Variants in ADAM12 observed in about 807,000 individuals in gnomAD.
The protein encoded by ADAM12 is disintegrin and metalloproteinase domain-containing protein 12.
In ADAM12, 70 loss-of-function variants were observed where a neutral mutation model predicts 106.4. The observed-to-expected ratio is 0.66, with a 90% confidence interval of 0.54 to 0.80. ADAM12 has a LOEUF of 0.80. ADAM12 is among the 30% of genes least tolerant of loss of function. The pLI is 0.00. For missense variants in ADAM12, 1,010 were observed against 1,171.9 expected (o/e 0.86, Z 2.02); for synonymous variants, 420 against 433.5 (o/e 0.97, Z 0.39).
rs1473043084 is a variant in ADAM12, at chr10:126,012,459, G to T, written c.*4820C>A. Reference sequence around the variant, plus strand: ...ACTTTTTCTACTGAAATAGCAGTTTGTGTTTACCTGTCGAACCCCAATATG... The same window carrying T: ...ACTTTTTCTACTGAAATAGCAGTTTTTGTTTACCTGTCGAACCCCAATATG... On this transcript the variant is annotated 3_prime_UTR_variant, in exon 23 of 23. Transcript: ENST00000448723. 2 of 152,150 alleles carry T rather than the reference G, an allele frequency of 1.3e-5. No homozygotes were observed. Among genetic ancestry groups the T allele is most frequent in the African/African-American group, 2.4e-5 (1 of 41,438 alleles). The allele number at this position is 152,150 out of a possible 1,614,324, so 9.4% of individuals were successfully genotyped here.
At chr10:126,209,863 G>A (rs1317193511) in intron 3 of ADAM12, among the ~76,000 whole-genome samples, 1 of 152,168 alleles carries the variant, frequency 6.6e-6, no homozygotes, top group Non-Finnish European at 1.5e-5. Context: ...AGATTTAGAG[G>A]TCTGGACCCA....
At position 126,017,067 on chromosome 10, in the gene ADAM12, C is replaced by T; in HGVS notation, c.*212G>A. 1 of 525,982 alleles carries T rather than the reference C, an allele frequency of 1.9e-6. No homozygotes were observed. Among genetic ancestry groups the T allele is most frequent in the Non-Finnish European group, 3.4e-6 (1 of 296,204 alleles). 32.6% of individuals were successfully genotyped at this position (525,982 alleles called of 1,614,324 possible). A position where few individuals can be genotyped will look rare whatever the true frequency, so the allele number is the denominator to read the frequency against. ...CTACAGCGCACTGCACTGTAATCAA[C>T]ATTCTGCATAAATTAATAATTTACA... On this transcript the variant is annotated 3_prime_UTR_variant, in exon 23 of 23. Coordinates refer to ENST00000448723, the MANE Select transcript of ADAM12 (RefSeq NM_001288973.2).
chr10:126,347,621 G>A (rs144976129), intron 1 of ADAM12, among the ~76,000 whole-genome samples: 4 of 152,272 alleles, frequency 2.6e-5, no homozygotes, highest in African/African-American at 9.6e-5. Flanking sequence ...ATGATGTTTG[G>A]CCACTTATAA....
chr10:126,115,637 CAG>C (rs1440022760), intron 6 of ADAM12, among the ~76,000 whole-genome samples: 3 of 152,320 alleles, frequency 2.0e-5, no homozygotes, highest in African/African-American at 7.2e-5. Flanking sequence ...GCAGAAAAAT[CAG>C]AGTCTGCAAA....
chr10:126,055,039 G>A (rs985953465), intron 14 of ADAM12, among the ~76,000 whole-genome samples: 1 of 152,208 alleles, frequency 6.6e-6, no homozygotes, highest in Non-Finnish European at 1.5e-5. Flanking sequence ...GGGCTAACCA[G>A]ATGCCTCAGG....
At chr10:126,059,052 GAT>G (rs1288557209) in intron 14 of ADAM12, among the ~76,000 whole-genome samples, 1 of 152,124 alleles carries the variant, frequency 6.6e-6, no homozygotes, top group Non-Finnish European at 1.5e-5. Context: ...AGGGAATTTT[GAT>G]ACCATACTAT....
intron 1 of ADAM12, among the ~76,000 whole-genome samples, chr10:126,336,984 C>G (rs963592652): frequency 6.6e-6 from 1 of 152,124 alleles, no homozygotes; most frequent in Non-Finnish European, 1.5e-5. Context: ...CACAGAGGGC[C>G]GGCAAGAGGA....
chr10:126,243,499 G>GTGTA, intron 3 of ADAM12, among the ~76,000 whole-genome samples: 1 of 151,532 alleles, frequency 6.6e-6, no homozygotes, highest in Admixed American at 6.6e-5. Flanking sequence ...ATGTGTGTGT[G>GTGTA]TGTGTGTGTG....
chr10:126,083,282 C>G (rs893918001), intron 11 of ADAM12, among the ~76,000 whole-genome samples: 1 of 152,208 alleles, frequency 6.6e-6, no homozygotes, highest in Non-Finnish European at 1.5e-5. Flanking sequence ...AGCTTGGGTT[C>G]CTTGCCGGGA....
At chr10:126,039,085 G>C (rs1212868567) in intron 19 of ADAM12, among the ~76,000 whole-genome samples, 1 of 146,132 alleles carries the variant, frequency 6.8e-6, no homozygotes, top group African/African-American at 2.5e-5. Flanking sequence ...TCAGCCTCCC[G>C]AGTAGATGGG....
At chr10:126,206,851 T>TTG (rs1427618225) in intron 3 of ADAM12, among the ~76,000 whole-genome samples, 1 of 23,898 alleles carries the variant, frequency 4.2e-5, no homozygotes, top group African/African-American at 9.2e-5. Context: ...TTCCCATGTG[T>TTG]TGTGGGGGCG....
At chr10:126,380,497 A>G (rs1474409423) in intron 1 of ADAM12, among the ~76,000 whole-genome samples, 7 of 152,222 alleles carry the variant, frequency 4.6e-5, no homozygotes, top group African/African-American at 1.7e-4. Flanking sequence ...CCTTTTCTGT[A>G]GAATGAGGGT....
intron 3 of ADAM12, among the ~76,000 whole-genome samples, chr10:126,193,052 T>C (rs4962515): frequency 0.032 from 4,814 of 151,940 alleles, 299 homozygotes; most frequent in East Asian, 0.23. Context: ...GATCACAAGG[T>C]CAGGAGATCA....
intron 11 of ADAM12, among the ~76,000 whole-genome samples, chr10:126,092,841 T>G (rs1188826030): frequency 6.6e-6 from 1 of 152,220 alleles, no homozygotes; most frequent in Non-Finnish European, 1.5e-5. Flanking sequence ...AGCTGTGTGG[T>G]TCTGCTCAGT....
chr10:126,138,817 C>CTTTTTTTTT (rs71486579), intron 4 of ADAM12, among the ~76,000 whole-genome samples: 2 of 127,948 alleles, frequency 1.6e-5, no homozygotes, highest in Non-Finnish European at 3.1e-5. Context: ...CTACACATAT[C>CTTTTTTTTT]TTTTTCTTTT....
At chr10:126,187,327 A>AAAAAT (rs1957417489) in intron 3 of ADAM12, among the ~76,000 whole-genome samples, 1 of 67,294 alleles carries the variant, frequency 1.5e-5, no homozygotes, top group Non-Finnish European at 2.3e-5. Context: ...GAAATGAAAT[A>AAAAAT]AAAAAAAAAC....
At chr10:126,026,000 AT>A (rs1353935003) in intron 21 of ADAM12, among the ~76,000 whole-genome samples, 2 of 152,216 alleles carry the variant, frequency 1.3e-5, no homozygotes, top group African/African-American at 4.8e-5. Context: ...GGGGACCAAT[AT>A]TCAACATTCT....
chr10:126,330,986 A>G (rs1466542507), intron 1 of ADAM12, among the ~76,000 whole-genome samples: 1 of 152,210 alleles, frequency 6.6e-6, no homozygotes, highest in Non-Finnish European at 1.5e-5. Flanking sequence ...CTAATTTTAT[A>G]TGCTTTAGTA....
chr10:126,220,654 T>C (rs1017547878), intron 3 of ADAM12, among the ~76,000 whole-genome samples: 2 of 152,240 alleles, frequency 1.3e-5, no homozygotes, highest in Admixed American at 1.3e-4. Context: ...GACATCGCAA[T>C]CCTTAGTGTC....
Sources: allele counts gnomAD v4.1 joint callset (sites outside exome capture counted in the v4.1 genomes callset), GRCh38; gene constraint gnomAD v4.1.1; transcripts MANE v1.5; gene names NCBI Gene and HGNC (gene_info 2026-07-23, HGNC 2026-07-21).